The following PLXNB2 variants were observed in gnomAD, a reference collection of about 807,000 sequenced individuals.
PLXNB2 encodes plexin B2, also known as plexin-B2.
Under a neutral mutation model 202.6 loss-of-function variants are expected in PLXNB2, and 85 were observed. The observed-to-expected ratio is 0.42, with a 90% CI of 0.35 to 0.50. The LOEUF (loss-of-function observed/expected upper bound fraction) is 0.50. PLXNB2 is among the 20% of genes least tolerant of loss of function. The pLI is 0.02. For synonymous variants in PLXNB2, 1,239 were observed against 1,137.6 expected, an observed-to-expected ratio of 1.09 and a Z score of -1.79; for missense variants, 2,063 against 2,586.2, an observed-to-expected ratio of 0.80 and a Z score of 4.39.
At chr22:50,282,619 C>G in intron 18 of PLXNB2, 92 bp downstream of exon 18, 3 of 914,750 alleles carry the variant, frequency 3.3e-6, no homozygotes, top group Admixed American at 5.6e-5. Context: ...CAGACCAGCC[C>G]CACCACATTC....
chr22:50,299,467 A>AG (rs1201877032), intron 1 of PLXNB2, among the ~76,000 whole-genome samples: 1 of 152,216 alleles, frequency 6.6e-6, no homozygotes, highest in Non-Finnish European at 1.5e-5. Flanking sequence ...GCCAGCAGCC[A>AG]GGGGGCCGGG....
At chr22:50,279,588 A>G in intron 27 of PLXNB2, 42 bp downstream of exon 27, 1 of 1,602,068 alleles carries the variant, frequency 6.2e-7, no homozygotes, top group Non-Finnish European at 8.5e-7. Context: ...TCCTTAGCCC[A>G]GATCCGAGGC....
In PLXNB2 at chr22:50,279,991, G is replaced by T; in HGVS notation, c.4242+14C>A. On this transcript the variant is annotated intron_variant, in intron 26 of 36. Transcript: ENST00000359337. ...TCATCCCTCAAGCCCCAGCCAGGCT[G>T]GGGTGGAACCCACCTTGAGGTACTG... 6.3e-7 allele frequency: 1 copy of T among 1,591,010 alleles called. No homozygotes were observed. The highest frequency in any genetic ancestry group is 1.7e-5 in the Admixed American group (1 of 57,820).
rs2065803638 is a variant in PLXNB2 at position 50,279,011 on chromosome 22, T to A, written c.4390A>T (p.Thr1464Ser). The change falls in exon 28 of 37, where the codon ACG becomes TCG. Residue 1464 changes from threonine (T) to serine (S), a missense_variant and splice_region_variant. Thr to Ser is a moderately conservative substitution (Grantham distance 58). This residue lies in a region of PLXNB2 where 760 missense variants were observed against 1,109.4 expected (regional missense o/e 0.69). Coordinates refer to ENST00000359337, the MANE Select transcript of PLXNB2 (RefSeq NM_012401.4). ...TCGTCCTGCACGATCACGCTCACCG[T>A]CTGCCGAGACATCCGGGATGAAGCC... ...LGDDVEYAPL[T>S]VSVIVQDEGV... The A allele has an allele frequency of 1.2e-6, 2 of 1,603,284 alleles. No homozygotes were observed. The highest frequency in any genetic ancestry group is 2.2e-5 in the South Asian group (2 of 89,770).
In PLXNB2 at chr22:50,282,876, T is replaced by A; in HGVS notation, c.2822A>T (p.Lys941Met). ...TLNGVPCKVT[K>M]FGAQLQCVTG... Reference sequence around the variant, plus strand: ...GACACACTGGAGCTGCGCCCCAAACTTCGTCCTGGGGGAGGGAGGGTGCTG... The same window carrying A: ...GACACACTGGAGCTGCGCCCCAAACATCGTCCTGGGGGAGGGAGGGTGCTG... The change falls in exon 18 of 37, where the codon AAG becomes ATG. Residue 941 changes from lysine to methionine, a missense_variant. Lys to Met is a moderately conservative substitution (Grantham distance 95). Transcript: ENST00000359337. 1 of 1,608,290 alleles carries A rather than the reference T, an allele frequency of 6.2e-7. No homozygotes were observed. The highest frequency in any genetic ancestry group is 8.5e-7 in the Non-Finnish European group (1 of 1,176,650).
Position 50,289,159 on chromosome 22 carries a change from G to C in PLXNB2, c.1069-17C>G, listed in dbSNP as rs2066686331. 1 of 1,542,416 alleles carries C rather than the reference G, an allele frequency of 6.5e-7. No homozygotes were observed. On this transcript the variant is annotated splice_polypyrimidine_tract_variant and intron_variant, in intron 3 of 36. Transcript: ENST00000359337. This position sits in a 1 kb window ranked among gnomAD's most constrained non-coding sequence, Gnocchi z 8.0. Reference sequence around the variant, plus strand: ...GCTGGAGCCCTGCGGACCACAGCGTGTCAATGGCAGGCAGACCCCCTGTCC... The same window carrying C: ...GCTGGAGCCCTGCGGACCACAGCGTCTCAATGGCAGGCAGACCCCCTGTCC...
At chr22:50,302,359 G>A (rs1183827615) in intron 1 of PLXNB2, among the ~76,000 whole-genome samples, 5 of 152,202 alleles carry the variant, frequency 3.3e-5, no homozygotes, top group African/African-American at 1.2e-4. Context: ...AGTGGGAGGT[G>A]ATGCCCGTGG....
intron 16 of PLXNB2, 34 bp downstream of exon 16, chr22:50,283,303 C>A (rs200612211): frequency 4.3e-6 from 7 of 1,610,094 alleles, no homozygotes; most frequent in Non-Finnish European, 5.9e-6. Context: ...CCGGTCCTCC[C>A]GGGTTCGGCA....
intron 1 of PLXNB2, chr22:50,301,316 G>A (rs1371737288): frequency 1.2e-6 from 1 of 834,956 alleles, no homozygotes; most frequent in African/African-American, 1.8e-5. Context: ...GGTCCTTCGG[G>A]TCAGAAAGCT....
At chr22:50,300,603 G>C (rs915997683) in intron 1 of PLXNB2, among the ~76,000 whole-genome samples, 1 of 152,222 alleles carries the variant, frequency 6.6e-6, no homozygotes, top group Non-Finnish European at 1.5e-5. Flanking sequence ...CCTGAGCCTC[G>C]CTTCAGCGTC....
At chr22:50,301,987 G>A (rs1301365776) in intron 1 of PLXNB2, among the ~76,000 whole-genome samples, 10 of 152,226 alleles carry the variant, frequency 6.6e-5, no homozygotes, top group Admixed American at 5.9e-4. Flanking sequence ...CCCAGAACTC[G>A]TCCCCAGTAC....
chr22:50,282,370 C>T (rs993387534), intron 18 of PLXNB2, 57 bp from the exon 19 acceptor site: 40 of 1,541,112 alleles, frequency 2.6e-5, no homozygotes, highest in East Asian at 1.8e-4. Flanking sequence ...CTGCAGCCTC[C>T]GCCCTCCCGT....
rs955567702 is a variant in PLXNB2, at chr22:50,307,558, C to T, written c.-79G>A. The T allele has an allele frequency of 3.1e-6, 3 of 982,186 alleles. No individual in the cohort carries two copies. The highest frequency in any genetic ancestry group is 1.8e-5 in the African/African-American group (1 of 56,596). 60.8% of individuals were successfully genotyped at this position (982,186 alleles called of 1,614,324 possible). A position where few individuals can be genotyped will look rare whatever the true frequency, so the allele number is the denominator to read the frequency against. ...CAGTCCCCCGAGCTCGGTACCTGCA[C>T]GTCCGCCGCCAAGGCTCGATGGCGC... On this transcript the variant is annotated 5_prime_UTR_variant, in exon 1 of 37. It adds an upstream start codon to the 5' untranslated region. Transcript: ENST00000359337.
rs776593820 is a variant in PLXNB2, at chr22:50,275,414, G to A, written c.*290C>T. 17 of 530,662 alleles carry A rather than the reference G, an allele frequency of 3.2e-5. No individual in the cohort carries two copies. Among genetic ancestry groups the A allele is most frequent in the East Asian group, 9.3e-5 (2 of 21,446 alleles). The allele number at this position is 530,662 out of a possible 1,614,324, so 32.9% of individuals were successfully genotyped here. A position where few individuals can be genotyped will look rare whatever the true frequency, so the allele number is the denominator to read the frequency against. ...GGCCAGCTGCCCCCAGCGTGGCAGC[G>A]TAAGGCACATTTTCAAATCACTGGA... On this transcript the variant is annotated 3_prime_UTR_variant, in exon 37 of 37. Coordinates refer to ENST00000359337, the MANE Select transcript of PLXNB2 (RefSeq NM_012401.4).
At chr22:50,307,514 C>A (rs1260152545) in intron 1 of PLXNB2, 39 bp downstream of exon 1, 83 of 962,834 alleles carry the variant, frequency 8.6e-5, no homozygotes, top group South Asian at 3.8e-4. Flanking sequence ...CCACGCCCAG[C>A]GAGACGTCCC....
chr22:50,289,201 C>T lies in PLXNB2; in HGVS notation c.1069-59G>A. 7.0e-7 allele frequency: 1 copy of T among 1,418,448 alleles called. No individual in the cohort carries two copies. The highest frequency in any genetic ancestry group is 1.4e-5 in the South Asian group (1 of 73,302). The allele number at this position is 1,418,448 out of a possible 1,614,324, so 87.9% of individuals were successfully genotyped here. On this transcript the variant is annotated intron_variant, in intron 3 of 36. Transcript: ENST00000359337. The surrounding 1 kb of genome is among the most constrained non-coding windows in gnomAD (Gnocchi z 8.0). The stretch of plus-strand genomic sequence containing the variant: ...CCCCTGTCCTGAAGGGCCCTCTCCA[C>T]TCGCGCTCCAAGACTCGGGACAGGC...
intron 1 of PLXNB2, among the ~76,000 whole-genome samples, chr22:50,306,349 C>A (rs891936684): frequency 2.0e-5 from 3 of 152,206 alleles, no homozygotes; most frequent in African/African-American, 7.2e-5. Context: ...ATGCAAAAAG[C>A]TGACTCGCCA....
rs564173401 is a variant in PLXNB2 at position 50,283,799 on chromosome 22, A to C, written c.2421+34T>G. 15 of 1,612,300 alleles carry C rather than the reference A, an allele frequency of 9.3e-6. No individual in the cohort carries two copies. The South Asian group carries it at 1.5e-4, about 17-fold the overall frequency. On this transcript the variant is annotated intron_variant, in intron 14 of 36. Coordinates refer to ENST00000359337, the MANE Select transcript of PLXNB2 (RefSeq NM_012401.4). ...CAGGGAGGGGCTCATGCCAGGGACG[A>C]GGGAAGGTGTAGGCCAGGCTTCGAG...
Position 50,282,227 on chromosome 22 carries a change from G to A in PLXNB2, c.3074C>T (p.Ser1025Phe), listed in dbSNP as rs768134621. 3.7e-6 allele frequency: 6 copies of A among 1,612,222 alleles called. No individual in the cohort carries two copies. The South Asian group carries it at 5.5e-5, about 15-fold the overall frequency. Residue 1025 changes from serine to phenylalanine, a missense_variant, in exon 19 of 37, where the codon TCC becomes TTC. Physicochemically the swap from Ser to Phe is radical, Grantham distance 155. Coordinates refer to ENST00000359337, the MANE Select transcript of PLXNB2 (RefSeq NM_012401.4). ...AMVVIAEPLQ[S>F]WQPPREAESL... ...TTCAGCCTCCCGCGGCGGCTGCCAG[G>A]ACTGCAGGGGCTCCGCGATGACCAC...
Sources: gnomAD v4.1 joint callset for allele counts (sites outside exome capture counted in the v4.1 genomes callset) on GRCh38, gnomAD v4.1.1 for gene constraint, gnomAD v4.1.1 regional missense constraint, Gnocchi (gnomAD v3.1) non-coding constraint, MANE v1.5 for transcripts, NCBI Gene and HGNC (gene_info 2026-07-23, HGNC 2026-07-21) for gene names.